Variants in GRM5 observed in about 807,000 individuals in gnomAD.
The protein encoded by GRM5 is glutamate metabotropic receptor 5.
A neutral mutation model predicts 83.1 loss-of-function variants in GRM5; 19 were observed. The ratio of observed to expected loss-of-function variants is 0.23; its 90% confidence interval spans 0.16 to 0.34. The LOEUF (loss-of-function observed/expected upper bound fraction) is 0.34. Ranked by LOEUF, GRM5 falls within the 10% of genes least tolerant of loss-of-function variation. GRM5 has a pLI of 1.00. For synonymous variants in GRM5, 675 were observed against 633.6 expected, an observed-to-expected ratio of 1.07 and a Z score of -0.98; for missense variants, 1,160 against 1,588.3, an observed-to-expected ratio of 0.73 and a Z score of 4.58.
chr11:88,961,859 G>A (rs974235802), intron 2 of GRM5, among the ~76,000 whole-genome samples: 6 of 152,162 alleles, frequency 3.9e-5, no homozygotes, highest in African/African-American at 1.4e-4. Context: ...TGTACACCCG[G>A]TGATCAGTGA....
chr11:88,525,295 C>T lies in GRM5; in HGVS notation c.2726+14G>A, dbSNP rs776249805. 13 of 1,472,572 alleles carry T rather than the reference C, an allele frequency of 8.8e-6. No homozygotes were observed. The highest frequency in any genetic ancestry group is 1.1e-5 in the South Asian group (1 of 87,918). 91.2% of individuals were successfully genotyped at this position (1,472,572 alleles called of 1,614,324 possible). A position where few individuals can be genotyped will look rare whatever the true frequency, so the allele number is the denominator to read the frequency against. ...TTATTTCACACCACCTCAGGCCACT[C>T]ATAGTTTGCTTACCTGCTCATTGTT... On this transcript the variant is annotated intron_variant, in intron 9 of 9. Coordinates refer to ENST00000305447, the MANE Select transcript of GRM5 (RefSeq NM_001143831.3).
chr11:88,886,796 G>T (rs1020670133), intron 2 of GRM5, among the ~76,000 whole-genome samples: 2 of 152,120 alleles, frequency 1.3e-5, no homozygotes, highest in Non-Finnish European at 2.9e-5. Flanking sequence ...CTCTGTGTAT[G>T]CAATGTATGG....
intron 7 of GRM5, among the ~76,000 whole-genome samples, chr11:88,572,612 GA>G (rs1229371017): frequency 6.6e-6 from 1 of 152,032 alleles, no homozygotes; most frequent in Non-Finnish European, 1.5e-5. Flanking sequence ...CCAAATCTCA[GA>G]ATCTTGAAAT....
intron 3 of GRM5, among the ~76,000 whole-genome samples, chr11:88,752,096 T>C (rs1942288242): frequency 6.6e-6 from 1 of 152,176 alleles, no homozygotes; most frequent in African/African-American, 2.4e-5. Flanking sequence ...TTGAAAGTTC[T>C]GGCCAGGGCA....
At chr11:88,894,848 A>G (rs944610852) in intron 2 of GRM5, among the ~76,000 whole-genome samples, 4 of 151,986 alleles carry the variant, frequency 2.6e-5, no homozygotes, top group Non-Finnish European at 4.4e-5. Context: ...GCTCTCCCCA[A>G]CATGAGAATA....
At chr11:88,806,703 T>G (rs964988354) in intron 3 of GRM5, among the ~76,000 whole-genome samples, 3 of 152,172 alleles carry the variant, frequency 2.0e-5, no homozygotes, top group African/African-American at 7.2e-5. Flanking sequence ...CTCTGGTGCT[T>G]TTTATTCCCT....
intron 2 of GRM5, among the ~76,000 whole-genome samples, chr11:88,903,421 A>C (rs543152785): frequency 6.6e-6 from 1 of 152,362 alleles, no homozygotes; most frequent in South Asian, 2.1e-4. Context: ...AAAAGAATTC[A>C]TTATACCACA....
intron 3 of GRM5, among the ~76,000 whole-genome samples, chr11:88,668,444 A>C (rs1940108745): frequency 6.6e-6 from 1 of 152,036 alleles, no homozygotes; most frequent in Non-Finnish European, 1.5e-5. Flanking sequence ...AAAGAGGAAA[A>C]CTTCATTTTA....
chr11:88,812,899 T>TA (rs1308540110), intron 3 of GRM5, among the ~76,000 whole-genome samples: 10 of 152,200 alleles, frequency 6.6e-5, no homozygotes, highest in African/African-American at 1.7e-4. Flanking sequence ...GAAAATTACT[T>TA]AAAAAAAGGC....
chr11:88,541,552 T>C (rs1942267971), intron 8 of GRM5, among the ~76,000 whole-genome samples: 1 of 152,216 alleles, frequency 6.6e-6, no homozygotes, highest in South Asian at 2.1e-4. Flanking sequence ...GACTGGGCTT[T>C]AGTTTGCCTG....
intron 2 of GRM5, among the ~76,000 whole-genome samples, chr11:88,886,892 T>A (rs933763443): frequency 6.6e-6 from 1 of 152,132 alleles, no homozygotes; most frequent in Non-Finnish European, 1.5e-5. Flanking sequence ...AGGGAAGGCA[T>A]CTTTGTGATT....
chr11:88,640,822 A>G (rs866730322), intron 4 of GRM5, among the ~76,000 whole-genome samples: 10 of 152,180 alleles, frequency 6.6e-5, no homozygotes, highest in Middle Eastern at 3.2e-3. Context: ...CCCTGGGTGC[A>G]TCATCCTCAG....
At chr11:88,852,855 T>C (rs1389398035) in intron 2 of GRM5, among the ~76,000 whole-genome samples, 1 of 152,058 alleles carries the variant, frequency 6.6e-6, no homozygotes, top group Non-Finnish European at 1.5e-5. Flanking sequence ...TGGTAGTTGA[T>C]AGAAACACTG....
intron 2 of GRM5, chr11:88,984,820 A>G: frequency 1.4e-6 from 1 of 740,030 alleles, no homozygotes; most frequent in Non-Finnish European, 2.5e-6. Context: ...TTTCCAGGGC[A>G]TCATATACTA....
intron 3 of GRM5, among the ~76,000 whole-genome samples, chr11:88,833,098 C>CA (rs1944024631): frequency 1.3e-5 from 2 of 151,854 alleles, no homozygotes; most frequent in African/African-American, 4.8e-5. Context: ...ACAACAAAAA[C>CA]AAAAATAAAC....
Position 88,567,614 on chromosome 11 carries a change from G to A in GRM5, c.2069C>T (p.Ala690Val), listed in dbSNP as rs769155595. The A allele has an allele frequency of 1.4e-5, 22 of 1,614,052 alleles. No homozygotes were observed. The highest frequency in any genetic ancestry group is 1.7e-5 in the Non-Finnish European group (20 of 1,179,938). ...GAAAGCAATCACTAGCTGGGCACAG[G>A]CACTCATGAATCTGGGCTTTTTGGT... ...ICTKKPRFMS[A>V]CAQLVIAFIL... The change falls in exon 8 of 10, where the codon GCC (alanine) becomes GTC (valine). Residue 690 changes from alanine (A) to valine (V), a missense_variant. Ala to Val is a moderately conservative substitution (Grantham distance 64, BLOSUM62 0). This residue lies in a region of GRM5 where 132 missense variants were observed against 245.5 expected (regional missense o/e 0.54). Transcript: ENST00000305447. The surrounding 1 kb of genome is among the most constrained non-coding windows in gnomAD (Gnocchi z 7.3).
At chr11:88,782,473 T>G (rs1329343516) in intron 3 of GRM5, among the ~76,000 whole-genome samples, 1 of 152,138 alleles carries the variant, frequency 6.6e-6, no homozygotes, top group African/African-American at 2.4e-5. Flanking sequence ...AGCAAAGACC[T>G]GCCCTTGTGA....
At chr11:89,064,904 G>GTT (rs1942066553) in intron 1 of GRM5, among the ~76,000 whole-genome samples, 1 of 80,010 alleles carries the variant, frequency 1.2e-5, no homozygotes, top group African/African-American at 4.5e-5. Flanking sequence ...GTGTGTGTGT[G>GTT]TGTGTGTGTG....
chr11:88,522,802 G>A (rs1941739104), intron 9 of GRM5: 1 of 152,074 alleles, frequency 6.6e-6, no homozygotes, highest in African/African-American at 2.4e-5. Flanking sequence ...CCTCCACCAG[G>A]ATATATCAGT....
Sources: allele counts gnomAD v4.1 joint callset (sites outside exome capture counted in the v4.1 genomes callset), GRCh38; gene constraint gnomAD v4.1.1; regional missense constraint gnomAD v4.1.1; non-coding constraint Gnocchi (gnomAD v3.1); transcripts MANE v1.5; gene names NCBI Gene and HGNC (gene_info 2026-07-23, HGNC 2026-07-21).